Variants in MEI4 observed in about 807,000 individuals in gnomAD.
MEI4 encodes the protein meiotic double-stranded break formation protein 4.
A neutral mutation model predicts 31.4 loss-of-function variants in MEI4; 27 were observed. The observed-to-expected ratio is 0.86, with a 90% CI of 0.63 to 1.19. MEI4 has a LOEUF of 1.19. MEI4 is among the 50% of genes most tolerant of loss of function. The pLI is 0.00. For missense variants in MEI4, 329 were observed against 398.9 expected, an observed-to-expected ratio of 0.82 and a Z score of 1.49; for synonymous variants, 122 against 145.4, an observed-to-expected ratio of 0.84 and a Z score of 1.16.
rs1766845665 is a variant in MEI4, at chr6:77,926,389, G to C, written c.*3043G>C. 6.6e-6 allele frequency: 1 copy of C among 151,860 alleles called. No homozygotes were observed. 9.4% of individuals were successfully genotyped at this position (151,860 alleles called of 1,614,324 possible). On this transcript the variant is annotated 3_prime_UTR_variant, in exon 5 of 5. Coordinates refer to ENST00000684080, the MANE Select transcript of MEI4 (RefSeq NM_001322247.2). ...TCTTCAAACGATAATGTCCTAAAAGGTACAGAGCTCCCTCCAGAGGTGTTT... is the reference window on the plus strand; with the variant it reads ...TCTTCAAACGATAATGTCCTAAAAGCTACAGAGCTCCCTCCAGAGGTGTTT...
chr6:77,772,214 T>C (rs1601027), intron 3 of MEI4, among the ~76,000 whole-genome samples: 82,272 of 149,340 alleles, frequency 0.55, 24,761 homozygotes, highest in African/African-American at 0.79. Context: ...TCATTCTAAA[T>C]GGCCAATATT....
rs191605077 is a variant in MEI4 at position 77,753,336 on chromosome 6, G to T, written c.233-7794G>T. On this transcript the variant is annotated intron_variant, in intron 2 of 4. Coordinates refer to ENST00000684080, the MANE Select transcript of MEI4 (RefSeq NM_001322247.2). ...AGCCAACCTACAGAATGGGAGAAAA[G>T]TTTTACAATCTATCCATCTGACAAA... Among the ~76,000 whole-genome samples the T allele has an allele frequency of 1.4e-3, 213 of 151,244 alleles. 1 individual carries two copies. Among genetic ancestry groups the T allele is most frequent in the African/African-American group, 4.5e-3 (187 of 41,340 alleles).
intron 2 of MEI4, among the ~76,000 whole-genome samples, chr6:77,733,468 G>T (rs945297155): frequency 6.6e-6 from 1 of 152,060 alleles, no homozygotes; most frequent in African/African-American, 2.4e-5. Flanking sequence ...GTGATCGGTG[G>T]TGGTATCCCG....
At chr6:77,897,240 GT>G (rs1766100028) in intron 4 of MEI4, among the ~76,000 whole-genome samples, 2 of 152,000 alleles carry the variant, frequency 1.3e-5, no homozygotes, top group South Asian at 4.1e-4. Flanking sequence ...TAATATTCTA[GT>G]TTCTCAAAGA....
At chr6:77,850,336 A>G (rs1770585784) in intron 4 of MEI4, among the ~76,000 whole-genome samples, 2 of 152,212 alleles carry the variant, frequency 1.3e-5, no homozygotes, top group South Asian at 4.1e-4. Flanking sequence ...AGACAATCCT[A>G]AGCCAAAAGA....
chr6:77,730,050 G>T (rs1486987039), intron 2 of MEI4, among the ~76,000 whole-genome samples: 1 of 152,020 alleles, frequency 6.6e-6, no homozygotes, highest in Non-Finnish European at 1.5e-5. Flanking sequence ...GTGTCTTGGT[G>T]GCAAACAAAG....
Position 77,820,509 on chromosome 6 carries a change from G to T in MEI4, c.769-8422G>T, listed in dbSNP as rs1295404591. On this transcript the variant is annotated intron_variant, in intron 3 of 4. Coordinates refer to ENST00000684080, the MANE Select transcript of MEI4 (RefSeq NM_001322247.2). The surrounding 1 kb of genome is among the most constrained non-coding windows in gnomAD (Gnocchi z 4.5). ...TGGAACCCCTGACCTCAGGCAATTCGCCTGCCTAGGCCTCCCAAATTGCTG... is the reference window on the plus strand; with the variant it reads ...TGGAACCCCTGACCTCAGGCAATTCTCCTGCCTAGGCCTCCCAAATTGCTG... 2.0e-5 allele frequency among the ~76,000 whole-genome samples: 3 copies of T among 152,120 alleles called. No homozygotes were observed. Among genetic ancestry groups the T allele is most frequent in the Admixed American group, 1.3e-4 (2 of 15,272 alleles).
intron 4 of MEI4, among the ~76,000 whole-genome samples, chr6:77,874,775 G>A (rs192300900): frequency 0.012 from 1,858 of 152,156 alleles, 44 homozygotes; most frequent in African/African-American, 0.043. Context: ...TTTGAGATAT[G>A]TCCCATCAGT....
intron 4 of MEI4, among the ~76,000 whole-genome samples, chr6:77,912,305 T>G (rs1029459598): frequency 2.6e-5 from 4 of 152,224 alleles, no homozygotes; most frequent in Middle Eastern, 3.4e-3. Flanking sequence ...CTTTGGATAT[T>G]TGGGCTCCTT....
chr6:77,707,163 A>G lies in MEI4; in HGVS notation c.232+16260A>G, dbSNP rs549840003. Among the ~76,000 whole-genome samples the G allele has an allele frequency of 1.8e-3, 278 of 152,190 alleles. 1 individual carries two copies. The highest frequency in any genetic ancestry group is 6.4e-3 in the African/African-American group (265 of 41,526). ...CCGAAATGGTGATAGAAATATGGACAGTGAAAGCCAGACTGATGAGGCCTC... is the reference window on the plus strand; with the variant it reads ...CCGAAATGGTGATAGAAATATGGACGGTGAAAGCCAGACTGATGAGGCCTC... On this transcript the variant is annotated intron_variant, in intron 2 of 4. Transcript: ENST00000684080.
At chr6:77,800,725 C>T (rs1209279784) in intron 3 of MEI4, among the ~76,000 whole-genome samples, 1 of 152,062 alleles carries the variant, frequency 6.6e-6, no homozygotes, top group Non-Finnish European at 1.5e-5. Flanking sequence ...TTGTCAAAGG[C>T]CTTTTCTGCA....
chr6:77,912,952 A>C (rs1766464170), intron 4 of MEI4, among the ~76,000 whole-genome samples: 1 of 152,136 alleles, frequency 6.6e-6, no homozygotes, highest in South Asian at 2.1e-4. Context: ...TGGGAGTATC[A>C]TATATGGCCT....
At chr6:77,750,910 TAACA>T (rs1044383128) in intron 2 of MEI4, among the ~76,000 whole-genome samples, 3 of 152,104 alleles carry the variant, frequency 2.0e-5, no homozygotes, top group African/African-American at 4.8e-5. Context: ...AGGGAAATCA[TAACA>T]AACAGTCTCT....
intron 2 of MEI4, among the ~76,000 whole-genome samples, chr6:77,759,478 C>T (rs1241126995): frequency 6.6e-6 from 1 of 152,158 alleles, no homozygotes; most frequent in Non-Finnish European, 1.5e-5. Context: ...TAGATTTTCT[C>T]CAGCTGCCTC....
intron 1 of MEI4, among the ~76,000 whole-genome samples, chr6:77,682,639 AG>A (rs1357755982): frequency 3.9e-5 from 6 of 152,186 alleles, no homozygotes; most frequent in African/African-American, 1.4e-4. Flanking sequence ...GAGTTGGCCA[AG>A]TAGCCCTGTG....
chr6:77,735,741 T>A (rs1437057441), intron 2 of MEI4, among the ~76,000 whole-genome samples: 1 of 152,100 alleles, frequency 6.6e-6, no homozygotes, highest in East Asian at 1.9e-4. Context: ...TTTTCTGCTT[T>A]GTTTTTTCCC....
intron 2 of MEI4, among the ~76,000 whole-genome samples, chr6:77,756,284 T>C (rs1384326618): frequency 6.6e-6 from 1 of 152,206 alleles, no homozygotes; most frequent in Admixed American, 6.5e-5. Context: ...ATATTTAATC[T>C]TTTCTAAGAA....
chr6:77,767,513 G>A (rs1768205023), intron 3 of MEI4, among the ~76,000 whole-genome samples: 1 of 152,036 alleles, frequency 6.6e-6, no homozygotes, highest in Admixed American at 6.6e-5. Flanking sequence ...TTGGCAACAT[G>A]GTGAGACCCT....
chr6:77,669,220 T>TGTGTGTGTGTGTGTGCGTACATA (rs1491291910), intron 1 of MEI4, among the ~76,000 whole-genome samples: 1 of 147,066 alleles, frequency 6.8e-6, no homozygotes, highest in Non-Finnish European at 1.5e-5. Context: ...AGAGGAAGCA[T>TGTGTGTGTGTGTGTGCGTACATA]GTGTGTGTGT....
Sources: gnomAD v4.1 joint callset for allele counts (sites outside exome capture counted in the v4.1 genomes callset) on GRCh38, gnomAD v4.1.1 for gene constraint, Gnocchi (gnomAD v3.1) non-coding constraint, MANE v1.5 for transcripts, NCBI Gene and HGNC (gene_info 2026-07-23, HGNC 2026-07-21) for gene names.